The following WDFY3 variants were observed in gnomAD, a reference collection of about 807,000 sequenced individuals.
WDFY3 encodes the protein WD repeat and FYVE domain-containing protein 3.
A neutral mutation model predicts 409.6 loss-of-function variants in WDFY3; 66 were observed. That is an observed-to-expected ratio of 0.16 (90% CI 0.13 to 0.20). WDFY3 has a LOEUF of 0.20. WDFY3 is among the 10% of genes least tolerant of loss of function. The probability of loss-of-function intolerance (pLI) is 1.00; values close to 1 mark genes in which losing one functional copy is unlikely to be tolerated. For synonymous variants in WDFY3, 1,521 were observed against 1,537.1 expected (o/e 0.99, Z 0.25); for missense variants, 3,031 against 4,298.1 (o/e 0.71, Z 8.24).
At chr4:84,811,089 C>G (rs1027528141) in intron 13 of WDFY3, among the ~76,000 whole-genome samples, 1 of 152,110 alleles carries the variant, frequency 6.6e-6, no homozygotes, top group African/African-American at 2.4e-5. Context: ...CCTCTACCTC[C>G]TGGGTTCAAG....
At chr4:84,679,841 T>TATATATATATATATATATACACACACAC (rs1235574031) in intron 64 of WDFY3, among the ~76,000 whole-genome samples, 46 of 141,270 alleles carry the variant, frequency 3.3e-4, no homozygotes, top group African/African-American at 1.1e-3. Context: ...TATATATATA[T>TATATATATATATATATATACACACACAC]ACACACACAC....
At chr4:84,714,162 T>C (rs1314221430) in intron 50 of WDFY3, among the ~76,000 whole-genome samples, 4 of 152,084 alleles carry the variant, frequency 2.6e-5, no homozygotes, top group Admixed American at 2.6e-4. Flanking sequence ...CCTTGCTCAC[T>C]CAGGCTAGAG....
At position 84,772,923 on chromosome 4, in the gene WDFY3, C is replaced by T. The variant is rs757924553; in HGVS notation, c.4761G>A (p.Gly1587=). 6 of 1,598,560 alleles carry T rather than the reference C, an allele frequency of 3.8e-6. No homozygotes were observed. The African/African-American group carries it at 5.4e-5, about 14-fold the overall frequency. ...TTGGCAAAGTAGAAGAAATAAACTG[C>T]CCAAATCTTTAAACAAAGGAAAACA... The part of the protein sequence containing the change: ...FPSSNDLLRF[G]QFISSTLPTF... Residue 1587 remains glycine, a synonymous_variant, in exon 30 of 68, where the codon GGG becomes GGA. Coordinates refer to ENST00000295888, the MANE Select transcript of WDFY3 (RefSeq NM_014991.6).
rs1301838446 is a variant in WDFY3 at position 84,711,466 on chromosome 4, TTA to T, written c.8042+1691_8042+1692del. 3.3e-5 allele frequency among the ~76,000 whole-genome samples: 5 copies of T among 152,164 alleles called. No individual in the cohort carries two copies. In the East Asian group the frequency reaches 9.7e-4, roughly 29 times the overall value. ...AATTTACAAAAATGATTTTAAATGG[TTA>T]ATAAACATATACAGAGCTCATGCTT... On this transcript the variant is annotated intron_variant, in intron 51 of 67. Coordinates refer to ENST00000295888, the MANE Select transcript of WDFY3 (RefSeq NM_014991.6).
At chr4:84,713,322 T>C in intron 50 of WDFY3, 83 bp from the exon 51 acceptor site, 1 of 1,245,280 alleles carries the variant, frequency 8.0e-7, no homozygotes, top group Non-Finnish European at 1.2e-6. Context: ...ACGATTCGTT[T>C]AGATTTTCAT....
At chr4:84,829,576 T>A (rs931784141) in intron 8 of WDFY3, among the ~76,000 whole-genome samples, 6 of 152,044 alleles carry the variant, frequency 3.9e-5, no homozygotes, top group Non-Finnish European at 8.8e-5. Flanking sequence ...AAAAATCTAG[T>A]AATTAGTTAA....
At chr4:84,801,566 T>G in intron 17 of WDFY3, 84 bp downstream of exon 17, 1 of 1,428,062 alleles carries the variant, frequency 7.0e-7, no homozygotes, top group Non-Finnish European at 9.4e-7. Context: ...TATATGTCCA[T>G]TAAGGCAGGA....
intron 7 of WDFY3, among the ~76,000 whole-genome samples, chr4:84,834,196 T>A (rs1367605704): frequency 6.6e-6 from 1 of 152,228 alleles, no homozygotes; most frequent in East Asian, 1.9e-4. Context: ...TAAAATACTT[T>A]TTTACAAATC....
At chr4:84,950,912 A>T (rs1283189259) in intron 1 of WDFY3, among the ~76,000 whole-genome samples, 1 of 152,250 alleles carries the variant, frequency 6.6e-6, no homozygotes, top group Non-Finnish European at 1.5e-5. Context: ...ACTGCAATAC[A>T]ATCACTGCAG....
chr4:84,809,429 C>CA (rs1335180412), intron 14 of WDFY3: 1 of 153,906 alleles, frequency 6.5e-6, no homozygotes, highest in African/African-American at 2.4e-5. Context: ...CTTGACGGTT[C>CA]AAGACACTGA....
chr4:84,702,159 CACCACGTCTGGCTAATTTTTGTA>C, intron 56 of WDFY3, among the ~76,000 whole-genome samples, 171 bp downstream of exon 56: 2 of 152,350 alleles, frequency 1.3e-5, no homozygotes, highest in South Asian at 4.1e-4. Context: ...AGGTGCCCAC[CACCACGTCTGGCTAATTTTTGTA>C]ACGACAAAAA....
Position 84,736,158 on chromosome 4 carries a change from C to A in WDFY3, c.6915+12G>T. The A allele has an allele frequency of 6.2e-7, 1 of 1,601,264 alleles. No homozygotes were observed. Among genetic ancestry groups the A allele is most frequent in the Non-Finnish European group, 8.5e-7 (1 of 1,175,290 alleles). ...ACTACAACTAATATCAGCAATGAAA[C>A]TAAAAAAGTACCTGGGTGGAAAGAC... On this transcript the variant is annotated intron_variant, in intron 42 of 67. Coordinates refer to ENST00000295888, the MANE Select transcript of WDFY3 (RefSeq NM_014991.6).
intron 56 of WDFY3, among the ~76,000 whole-genome samples, chr4:84,697,969 A>C (rs1730405179): frequency 6.6e-6 from 1 of 152,178 alleles, no homozygotes; most frequent in Non-Finnish European, 1.5e-5. Context: ...GAATGTCTTG[A>C]CTTGGTTGGA....
chr4:84,802,779 T>C (rs1750837838), intron 16 of WDFY3, among the ~76,000 whole-genome samples: 1 of 152,200 alleles, frequency 6.6e-6, no homozygotes, highest in Admixed American at 6.5e-5. Flanking sequence ...TTTATAGAAA[T>C]AGCAGGGATA....
intron 39 of WDFY3, 113 bp downstream of exon 39, chr4:84,740,074 A>T: frequency 9.3e-7 from 1 of 1,072,894 alleles, no homozygotes; most frequent in Non-Finnish European, 1.4e-6. Context: ...ATAAAGGTTT[A>T]AATAAAACAG....
intron 1 of WDFY3, among the ~76,000 whole-genome samples, chr4:84,940,899 CAATAA>C (rs1328630970): frequency 6.6e-6 from 1 of 151,850 alleles, no homozygotes; most frequent in Non-Finnish European, 1.5e-5. Flanking sequence ...TTACCATTAT[CAATAA>C]AATAAAGATT....
chr4:84,926,141 C>T (rs1579156128), intron 2 of WDFY3, among the ~76,000 whole-genome samples: 1 of 141,810 alleles, frequency 7.1e-6, no homozygotes, highest in South Asian at 2.4e-4. Flanking sequence ...GGAGGCAGAG[C>T]TTTCAGTGAG....
intron 1 of WDFY3, among the ~76,000 whole-genome samples, chr4:84,955,895 A>G (rs1774180329): frequency 6.6e-6 from 1 of 152,210 alleles, no homozygotes; most frequent in African/African-American, 2.4e-5. Context: ...TTCAACTTAT[A>G]AAGTGAAATT....
intron 17 of WDFY3, among the ~76,000 whole-genome samples, chr4:84,798,469 T>C (rs1159620944): frequency 1.3e-5 from 2 of 152,180 alleles, no homozygotes; most frequent in East Asian, 3.8e-4. Context: ...ACCATATAGC[T>C]ATATATCTGC....
Sources: gnomAD v4.1 joint callset for allele counts (sites outside exome capture counted in the v4.1 genomes callset) on GRCh38, gnomAD v4.1.1 for gene constraint, MANE v1.5 for transcripts, NCBI Gene and HGNC (gene_info 2026-07-23, HGNC 2026-07-21) for gene names.